Variants in RAI14 observed in about 807,000 individuals in gnomAD.
The protein encoded by RAI14 is ankycorbin.
RAI14 carries 45 observed loss-of-function variants against 115.4 expected under a neutral mutation model. The observed-to-expected ratio is 0.39, with a 90% CI of 0.31 to 0.50. The LOEUF (loss-of-function observed/expected upper bound fraction) is 0.50. RAI14 is among the 20% of genes least tolerant of loss of function. The pLI is 0.85. For synonymous variants in RAI14, 371 were observed against 415.4 expected (o/e 0.89, Z 1.30); for missense variants, 939 against 1,131.2 (o/e 0.83, Z 2.44).
Position 34,824,208 on chromosome 5 carries a change from A to G in RAI14, c.2366A>G (p.Tyr789Cys), listed in dbSNP as rs1757209183. Reference protein sequence around the residue: ...MTDAMVPRSSYEKLQSSLESE... With the variant: ...MTDAMVPRSSCEKLQSSLESE... ...GATGCAATGGTACCTCGGTCTTCCT[A>G]TGAAAAACTCCAGTCATCCTTAGAG... The change falls in exon 15 of 18, where the codon TAT (tyrosine) becomes TGT (cysteine). Residue 789 changes from tyrosine (Y) to cysteine (C), a missense_variant. Coordinates refer to ENST00000265109, the MANE Select transcript of RAI14 (RefSeq NM_015577.3). The G allele has an allele frequency of 1.2e-6, 2 of 1,614,220 alleles. No individual in the cohort carries two copies. Among genetic ancestry groups the G allele is most frequent in the Admixed American group, 1.7e-5 (1 of 60,024 alleles).
intron 2 of RAI14, among the ~76,000 whole-genome samples, chr5:34,721,932 C>G (rs1217429806): frequency 6.6e-6 from 1 of 152,124 alleles, no homozygotes; most frequent in African/African-American, 2.4e-5. Context: ...TGGTCTTGAA[C>G]TCCTGACCTC....
intron 8 of RAI14, among the ~76,000 whole-genome samples, chr5:34,811,553 G>T (rs1755577714): frequency 6.7e-6 from 1 of 149,766 alleles, no homozygotes. Context: ...GACAAAATGT[G>T]GTTTAATGTT....
chr5:34,707,425 G>A lies in RAI14; in HGVS notation c.36+20470G>A, dbSNP rs747230355. Among the ~76,000 whole-genome samples the A allele has an allele frequency of 1.0e-3, 153 of 152,272 alleles. 1 individual carries two copies. The highest frequency in any genetic ancestry group is 1.9e-4 in the Non-Finnish European group (13 of 68,014). On this transcript the variant is annotated intron_variant, in intron 2 of 17. Coordinates refer to ENST00000265109, the MANE Select transcript of RAI14 (RefSeq NM_015577.3). ...GGAGGTTGCAGTGAGCCAAGATCAC[G>A]CTACTGCACTCCAGCCTGGCGACAG...
intron 3 of RAI14, among the ~76,000 whole-genome samples, chr5:34,789,875 T>C (rs1365986552): frequency 6.6e-6 from 1 of 152,204 alleles, no homozygotes; most frequent in Non-Finnish European, 1.5e-5. Context: ...GAAGCATAGA[T>C]TCAAACCCAG....
intron 2 of RAI14, among the ~76,000 whole-genome samples, chr5:34,721,901 G>T (rs1392773147): frequency 6.6e-6 from 1 of 152,058 alleles, no homozygotes; most frequent in Non-Finnish European, 1.5e-5. Flanking sequence ...TAGAGCCAGG[G>T]TTTCACCATG....
intron 2 of RAI14, chr5:34,688,313 A>G (rs1738119145): frequency 1.1e-5 from 15 of 1,421,244 alleles, no homozygotes; most frequent in Non-Finnish European, 1.4e-5. Flanking sequence ...TGACCAGGTT[A>G]ACAAATGTCT....
chr5:34,782,311 G>A (rs1456658994), intron 3 of RAI14, among the ~76,000 whole-genome samples: 1 of 152,092 alleles, frequency 6.6e-6, no homozygotes, highest in Non-Finnish European at 1.5e-5. Context: ...TAAAAGCAAA[G>A]GCAGCATTAT....
chr5:34,708,398 C>T (rs1270008641), intron 2 of RAI14, among the ~76,000 whole-genome samples: 3 of 152,076 alleles, frequency 2.0e-5, no homozygotes, highest in African/African-American at 7.2e-5. Context: ...GACAGGGTTT[C>T]TCCACGTTGG....
rs763133478 is a variant in RAI14, at chr5:34,829,794, G to A, written c.2862G>A (p.Val954=). ...ACAGAATGCATCTTCTGTATGCTGT[G>A]CAGGTATGGTTATGCCCCTTGAAGT... ...SVYRMHLLYA[V]QGQMDEDVQK... The change falls in exon 17 of 18, where the codon GTG becomes GTA. Residue 954 remains valine (V), a synonymous_variant. Transcript: ENST00000265109. The A allele has an allele frequency of 6.2e-7, 1 of 1,609,734 alleles. No homozygotes were observed. Among genetic ancestry groups the A allele is most frequent in the African/African-American group, 1.3e-5 (1 of 74,910 alleles).
Position 34,720,760 on chromosome 5 carries a change from T to C in RAI14, c.36+33805T>C, listed in dbSNP as rs188011383. Among the ~76,000 whole-genome samples the C allele has an allele frequency of 2.0e-5, 3 of 152,242 alleles. No homozygotes were observed. In the East Asian group the frequency reaches 5.8e-4, roughly 29 times the overall value. On this transcript the variant is annotated intron_variant, in intron 2 of 17. Transcript: ENST00000265109. ...AAAGTAATAGCGCTTTCATGAGGTC[T>C]CACTGGGCTGTTTGGAGTATGTGAG...
chr5:34,702,592 C>T (rs147832580), intron 2 of RAI14, among the ~76,000 whole-genome samples: 12 of 152,336 alleles, frequency 7.9e-5, no homozygotes, highest in Non-Finnish European at 1.6e-4. Flanking sequence ...CCATTATGGA[C>T]CCCGTTCACA....
intron 3 of RAI14, among the ~76,000 whole-genome samples, chr5:34,758,754 C>T (rs895059553): frequency 5.9e-5 from 9 of 152,114 alleles, no homozygotes; most frequent in Admixed American, 4.6e-4. Context: ...ACAGCCATAC[C>T]CATTCATTTA....
intron 2 of RAI14, among the ~76,000 whole-genome samples, chr5:34,749,387 C>T (rs1039166270): frequency 4.6e-5 from 7 of 152,360 alleles, no homozygotes; most frequent in African/African-American, 1.4e-4. Flanking sequence ...TGTTTGAAAA[C>T]TCAGAACCTC....
intron 4 of RAI14, among the ~76,000 whole-genome samples, chr5:34,797,531 CAAA>C (rs1353558324): frequency 6.6e-6 from 1 of 151,586 alleles, no homozygotes; most frequent in Non-Finnish European, 1.5e-5. Context: ...CATTTTTGGT[CAAA>C]AATAGGGAGT....
chr5:34,794,403 A>G (rs1473339166), intron 3 of RAI14, among the ~76,000 whole-genome samples: 2 of 152,274 alleles, frequency 1.3e-5, no homozygotes, highest in Non-Finnish European at 2.9e-5. Context: ...AGCCTAGGCA[A>G]CAGAATAAGA....
At chr5:34,706,737 A>C (rs554978743) in intron 2 of RAI14, among the ~76,000 whole-genome samples, 1 of 152,230 alleles carries the variant, frequency 6.6e-6, no homozygotes, top group South Asian at 2.1e-4. Flanking sequence ...TGAAACACCA[A>C]GTTATCTGGA....
At chr5:34,812,841 A>T (rs1755765563) in intron 10 of RAI14, among the ~76,000 whole-genome samples, 1 of 152,236 alleles carries the variant, frequency 6.6e-6, no homozygotes, top group Non-Finnish European at 1.5e-5. Context: ...ACTGTTTTAA[A>T]TACTTGTAAT....
chr5:34,685,374 G>A (rs550303200), intron 1 of RAI14, among the ~76,000 whole-genome samples: 10 of 152,242 alleles, frequency 6.6e-5, no homozygotes, highest in South Asian at 2.1e-4. Flanking sequence ...ACCAAATACC[G>A]TATGTTCTCA....
intron 1 of RAI14, among the ~76,000 whole-genome samples, chr5:34,664,703 G>T (rs1466385608): frequency 6.6e-6 from 1 of 151,718 alleles, no homozygotes; most frequent in East Asian, 2.0e-4. Context: ...TGATTTGTGA[G>T]ATTTTGGTGT....
Sources: allele counts gnomAD v4.1 joint callset (sites outside exome capture counted in the v4.1 genomes callset), GRCh38; gene constraint gnomAD v4.1.1; transcripts MANE v1.5; gene names NCBI Gene and HGNC (gene_info 2026-07-23, HGNC 2026-07-21).